Variants in SOX5 observed in about 807,000 individuals in gnomAD.
SOX5 encodes SRY-box transcription factor 5.
In SOX5, 9 loss-of-function variants were observed where a neutral mutation model predicts 92.0. That is an observed-to-expected ratio of 0.10 (90% CI 0.06 to 0.17). The LOEUF (loss-of-function observed/expected upper bound fraction) is 0.17. Ranked by LOEUF, SOX5 falls within the 10% of genes least tolerant of loss-of-function variation. The pLI, the probability that SOX5 is intolerant of heterozygous loss-of-function variation, is 1.00. For synonymous variants in SOX5, 344 were observed against 336.3 expected (o/e 1.02, Z -0.25); for missense variants, 642 against 944.5 (o/e 0.68, Z 4.20).
chr12:23,604,910 C>T (rs1422502858), intron 8 of SOX5, among the ~76,000 whole-genome samples: 1 of 152,094 alleles, frequency 6.6e-6, no homozygotes, highest in African/African-American at 2.4e-5. Context: ...CAGTAATTTT[C>T]TACTATCCAT....
intron 9 of SOX5, among the ~76,000 whole-genome samples, chr12:23,590,084 C>T (rs1039068830): frequency 2.6e-5 from 4 of 151,794 alleles, no homozygotes; most frequent in Admixed American, 1.3e-4. Flanking sequence ...TATTATATTG[C>T]TAGTGGTGCT....
chr12:23,860,053 C>T (rs1037372395), intron 2 of SOX5, among the ~76,000 whole-genome samples: 37 of 151,894 alleles, frequency 2.4e-4, no homozygotes, highest in African/African-American at 9.0e-4. Flanking sequence ...AAACAGAAAA[C>T]CAAATTCTGC....
At chr12:23,762,327 G>A (rs1301230408) in intron 3 of SOX5, 1 of 309,428 alleles carries the variant, frequency 3.2e-6, no homozygotes, top group Non-Finnish European at 5.9e-6. Flanking sequence ...CAGGCCAAGA[G>A]CTTGAGGCTG....
intron 6 of SOX5, among the ~76,000 whole-genome samples, chr12:23,726,634 T>C (rs2093150232): frequency 6.6e-6 from 1 of 152,118 alleles, no homozygotes. Flanking sequence ...GCAATGATAG[T>C]CCCTATTTTG....
intron 4 of SOX5, among the ~76,000 whole-genome samples, chr12:24,041,942 T>A (rs571127897): frequency 1.3e-5 from 2 of 152,152 alleles, no homozygotes; most frequent in African/African-American, 2.4e-5. Context: ...ATAAACATTA[T>A]GTGCTCATTA....
chr12:24,033,170 ATT>A (rs758649926), intron 4 of SOX5, among the ~76,000 whole-genome samples: 2 of 151,974 alleles, frequency 1.3e-5, no homozygotes, highest in Non-Finnish European at 2.9e-5. Context: ...ACTTATCTTA[ATT>A]TGTTGTTATA....
Position 23,970,841 on chromosome 12 carries a change from A to ATATATATATATAT in SOX5, c.-1-74818_-1-74817insATATATATATATA. On this transcript the variant is annotated intron_variant, in intron 4 of 4. Transcript: ENST00000446891. ...ACATGGGACTTTATATATATATATA[A>ATATATATATATAT]TTTTTTTTTTTTTTTAAGAAATGGG... is the stretch of plus-strand genomic sequence containing the variant. 9.1e-5 allele frequency among the ~76,000 whole-genome samples: 2 copies of ATATATATATATAT among 21,882 alleles called. 1 individual carries two copies. Among genetic ancestry groups the ATATATATATATAT allele is most frequent in the African/African-American group, 2.5e-4 (2 of 8,040 alleles). 14.4% of individuals were successfully genotyped at this position (21,882 alleles called of 152,430 possible). A position where few individuals can be genotyped will look rare whatever the true frequency, so the allele number is the denominator to read the frequency against.
chr12:23,757,006 TGCA>T (rs2094406252), intron 3 of SOX5, among the ~76,000 whole-genome samples: 5 of 151,626 alleles, frequency 3.3e-5, no homozygotes, highest in Non-Finnish European at 5.9e-5. Context: ...AAAGCAGAGG[TGCA>T]ATTTTCCTTG....
chr12:24,283,272 G>T (rs1945434101), intron 2 of SOX5, among the ~76,000 whole-genome samples: 1 of 152,200 alleles, frequency 6.6e-6, no homozygotes, highest in Non-Finnish European at 1.5e-5. Context: ...ACCAGCAAGT[G>T]GTTCTGTCTT....
intron 3 of SOX5, among the ~76,000 whole-genome samples, chr12:23,762,875 C>T (rs1168841169): frequency 1.3e-5 from 2 of 152,086 alleles, no homozygotes; most frequent in African/African-American, 2.4e-5. Flanking sequence ...ATTTTCTATA[C>T]AAAAATCTCC....
chr12:23,817,750 C>T (rs1594748591), intron 3 of SOX5, among the ~76,000 whole-genome samples: 1 of 152,256 alleles, frequency 6.6e-6, no homozygotes, highest in East Asian at 1.9e-4. Context: ...TATGAGTTCC[C>T]TCCTCTCTAC....
chr12:24,287,897 T>A (rs1019203639), intron 2 of SOX5, among the ~76,000 whole-genome samples: 1 of 152,032 alleles, frequency 6.6e-6, no homozygotes, highest in African/African-American at 2.4e-5. Flanking sequence ...CCAAGTCCAG[T>A]CCTCTGTACT....
intron 2 of SOX5, among the ~76,000 whole-genome samples, chr12:24,299,776 C>T (rs1374137535): frequency 1.3e-5 from 2 of 152,090 alleles, no homozygotes; most frequent in Non-Finnish European, 2.9e-5. Flanking sequence ...CGAAGTGATC[C>T]GAAGCTCTGC....
chr12:23,877,726 T>C (rs573510775), intron 2 of SOX5, among the ~76,000 whole-genome samples: 8 of 152,206 alleles, frequency 5.3e-5, no homozygotes, highest in Admixed American at 4.6e-4. Context: ...CTAAATTGAT[T>C]TCACTGCAGA....
At chr12:24,259,801 G>A (rs895009624) in intron 3 of SOX5, among the ~76,000 whole-genome samples, 23 of 152,280 alleles carry the variant, frequency 1.5e-4, no homozygotes, top group Admixed American at 9.2e-4. Context: ...TCGGTGGGAC[G>A]TTGAAACAGC....
chr12:23,571,627 T>C (rs186801042), intron 10 of SOX5, among the ~76,000 whole-genome samples: 10 of 152,286 alleles, frequency 6.6e-5, no homozygotes, highest in East Asian at 5.8e-4. Context: ...CACCAACCAA[T>C]AGATCATGGT....
At chr12:23,560,754 A>G (rs543188293) in intron 11 of SOX5, among the ~76,000 whole-genome samples, 1 of 152,372 alleles carries the variant, frequency 6.6e-6, no homozygotes, top group Admixed American at 6.5e-5. Context: ...TCTCATTTTC[A>G]TGATGTACAC....
intron 4 of SOX5, among the ~76,000 whole-genome samples, chr12:24,032,422 T>C (rs1045222072): frequency 2.0e-5 from 3 of 151,916 alleles, no homozygotes; most frequent in African/African-American, 7.2e-5. Flanking sequence ...ATATAATCAG[T>C]CAACATTGAT....
chr12:24,320,287 T>G (rs147919829), intron 2 of SOX5, among the ~76,000 whole-genome samples: 1 of 152,340 alleles, frequency 6.6e-6, no homozygotes, highest in African/African-American at 2.4e-5. Flanking sequence ...ATAAGTAGCT[T>G]TAATATGAGT....
Sources: gnomAD v4.1 joint callset for allele counts (sites outside exome capture counted in the v4.1 genomes callset) on GRCh38, gnomAD v4.1.1 for gene constraint, MANE v1.5 for transcripts, NCBI Gene and HGNC (gene_info 2026-07-23, HGNC 2026-07-21) for gene names.